ABCC3: variants seen among roughly 807,000 people sequenced by gnomAD.
The protein encoded by ABCC3 is ATP binding cassette subfamily C member 3.
A neutral mutation model predicts 165.3 loss-of-function variants in ABCC3; 121 were observed. That is an observed-to-expected ratio of 0.73 (90% CI 0.63 to 0.85). The LOEUF (loss-of-function observed/expected upper bound fraction) is 0.85. ABCC3 is among the 40% of genes least tolerant of loss of function. The pLI is 0.00. For synonymous variants in ABCC3, 733 were observed against 810.1 expected, an observed-to-expected ratio of 0.90 and a Z score of 1.62; for missense variants, 1,869 against 1,964.1, an observed-to-expected ratio of 0.95 and a Z score of 0.92.
chr17:50,656,188 C>T (rs555234894), intron 2 of ABCC3, among the ~76,000 whole-genome samples, 180 bp downstream of exon 2: 32 of 152,266 alleles, frequency 2.1e-4, no homozygotes, highest in Non-Finnish European at 3.5e-4. Context: ...TGGGTTCAAG[C>T]GATTCTCCTG....
chr17:50,676,537 G>T lies in ABCC3; in HGVS notation c.3327G>T (p.Pro1109=), dbSNP rs147166980. 30 of 1,613,770 alleles carry T rather than the reference G, an allele frequency of 1.9e-5. 1 individual carries two copies. In the Admixed American group the frequency reaches 2.7e-4, roughly 14 times the overall value. Residue 1109 remains proline (P), a synonymous_variant, in exon 23 of 31, where the codon CCG becomes CCT. Transcript: ENST00000285238. ...TTGTGGTCATCATGGCCAGCACGCC[G>T]CTCTTCACTGTGGTCATCCTGCCCC... ...STLVVIMAST[P]LFTVVILPLA...
chr17:50,662,196 T>C (rs879522916), intron 8 of ABCC3: 4 of 152,102 alleles, frequency 2.6e-5, no homozygotes, highest in Admixed American at 6.6e-5. Flanking sequence ...CAGGAGCAAT[T>C]TGGGAGATGG....
chr17:50,650,573 C>G (rs1272826453), intron 1 of ABCC3, among the ~76,000 whole-genome samples: 1 of 152,200 alleles, frequency 6.6e-6, no homozygotes, highest in Non-Finnish European at 1.5e-5. Flanking sequence ...TTCGAAAAAT[C>G]AGTCATTTCA....
rs575083105 is a variant in ABCC3 at position 50,676,498 on chromosome 17, C to T, written c.3288C>T (p.Asn1096=). Residue 1096 remains asparagine (N), a synonymous_variant, in exon 23 of 31, where the codon AAC becomes AAT. Coordinates refer to ENST00000285238, the MANE Select transcript of ABCC3 (RefSeq NM_003786.4). The stretch of plus-strand genomic sequence containing the variant: ...TCATGCTGCTCAATTCCTTCTTCAA[C>T]GCCATCTCCACTCTTGTGGTCATCA... The part of the protein sequence containing the change: ...VILMLLNSFF[N]AISTLVVIMA... The T allele has an allele frequency of 1.5e-5, 25 of 1,613,902 alleles. No homozygotes were observed. The highest frequency in any genetic ancestry group is 1.6e-4 in the Middle Eastern group (1 of 6,062).
chr17:50,680,746 A>G (rs1298917765), intron 26 of ABCC3, among the ~76,000 whole-genome samples: 2 of 151,936 alleles, frequency 1.3e-5, no homozygotes, highest in Non-Finnish European at 2.9e-5. Context: ...TGAGCCCACC[A>G]ATCTGCCTTC....
chr17:50,658,267 C>T (rs1020635516), intron 5 of ABCC3, 60 bp downstream of exon 5: 3 of 1,611,602 alleles, frequency 1.9e-6, no homozygotes, highest in Non-Finnish European at 2.5e-6. Context: ...CAACTCTGAC[C>T]AGCAGCCCCC....
At position 50,675,750 on chromosome 17, in the gene ABCC3, A is replaced by C. The variant is rs986524232; in HGVS notation, c.2834A>C (p.Gln945Pro). 6.4e-7 allele frequency: 1 copy of C among 1,564,376 alleles called. No individual in the cohort carries two copies. The change falls in exon 21 of 31, where the codon CAG becomes CCG. Residue 945 changes from glutamine (Q) to proline (P), a missense_variant. Coordinates refer to ENST00000285238, the MANE Select transcript of ABCC3 (RefSeq NM_003786.4). Reference protein sequence around the residue: ...TEAKADGALTQEEKAAIGTVE... With the variant: ...TEAKADGALTPEEKAAIGTVE... ...GCGAAGGCAGATGGGGCACTGACCC[A>C]GGAGGAGAAAGCAGCCATTGGCACT... is the stretch of plus-strand genomic sequence containing the variant.
rs745529143 is a variant in ABCC3 at position 50,634,952 on chromosome 17, G to A, written c.16G>A (p.Gly6Ser). 7.9e-7 allele frequency: 1 copy of A among 1,257,884 alleles called. No homozygotes were observed. The highest frequency in any genetic ancestry group is 1.0e-6 in the Non-Finnish European group (1 of 999,076). The allele number at this position is 1,257,884 out of a possible 1,614,324, so 77.9% of individuals were successfully genotyped here. ...CCTCGGCCCCATGGACGCCCTGTGC[G>A]GTTCCGGGGAGCTCGGCTCCAAGTT... MDALC[G>S]SGELGSKFWD... Residue 6 changes from glycine to serine, a missense_variant, in exon 1 of 31, where the codon GGT becomes AGT. Gly to Ser is a moderately conservative substitution (Grantham distance 56). Coordinates refer to ENST00000285238, the MANE Select transcript of ABCC3 (RefSeq NM_003786.4).
chr17:50,665,100 T>C (rs557090650), intron 10 of ABCC3, 53 bp from the exon 11 acceptor site: 1 of 1,523,558 alleles, frequency 6.6e-7, no homozygotes, highest in African/African-American at 1.4e-5. Flanking sequence ...GTTCTCTCTG[T>C]AGACTTTGGT....
chr17:50,672,187 G>A (rs1246607719), intron 17 of ABCC3, among the ~76,000 whole-genome samples: 1 of 152,110 alleles, frequency 6.6e-6, no homozygotes, highest in Non-Finnish European at 1.5e-5. Context: ...ACACTGGGGG[G>A]TAAGTTTCAA....
intron 5 of ABCC3, 70 bp from the exon 6 acceptor site, chr17:50,658,365 A>G: frequency 1.3e-6 from 2 of 1,585,712 alleles, no homozygotes; most frequent in Non-Finnish European, 1.7e-6. Flanking sequence ...GGTCCCCTCC[A>G]TTTCCCTACT....
intron 1 of ABCC3, among the ~76,000 whole-genome samples, chr17:50,638,735 G>A (rs889025828): frequency 1.3e-5 from 2 of 152,154 alleles, no homozygotes; most frequent in African/African-American, 4.8e-5. Flanking sequence ...TCCTAGGGAG[G>A]GGCAGATCCC....
chr17:50,643,758 G>T, intron 1 of ABCC3: 7 of 389,864 alleles, frequency 1.8e-5, no homozygotes, highest in South Asian at 1.3e-4. Flanking sequence ...CAAGGGGGTA[G>T]GAGCAAGAAT....
At chr17:50,641,780 T>C (rs112138231) in intron 1 of ABCC3, among the ~76,000 whole-genome samples, 3,617 of 152,224 alleles carry the variant, frequency 0.024, 158 homozygotes, top group African/African-American at 0.082. Context: ...GTGCAGTGGC[T>C]CATGCCTGTA....
At position 50,686,929 on chromosome 17, in the gene ABCC3, C is replaced by T. The variant is rs566592641; in HGVS notation, c.4281-607C>T. Among the ~76,000 whole-genome samples, 61 of 152,214 alleles carry T rather than the reference C, an allele frequency of 4.0e-4. No homozygotes were observed. The South Asian group carries it at 0.012, about 31-fold the overall frequency. On this transcript the variant is annotated intron_variant, in intron 29 of 30. Coordinates refer to ENST00000285238, the MANE Select transcript of ABCC3 (RefSeq NM_003786.4). ...TGGCCTCTGGTTGGGAACACAGCCT[C>T]GTTTTGTCTGCTGGCTCTGGCTTCC... is the stretch of plus-strand genomic sequence containing the variant.
intron 3 of ABCC3, 75 bp downstream of exon 3, chr17:50,656,902 G>A: frequency 6.4e-7 from 1 of 1,551,612 alleles, no homozygotes; most frequent in Non-Finnish European, 8.7e-7. Flanking sequence ...GAAACTGTGG[G>A]CTCTGAGGAG....
intron 1 of ABCC3, among the ~76,000 whole-genome samples, chr17:50,648,356 G>A (rs573205573): frequency 2.6e-5 from 4 of 152,250 alleles, no homozygotes; most frequent in East Asian, 1.9e-4. Context: ...TGAAAGCAGC[G>A]GCTGCTAGGA....
chr17:50,683,681 T>C lies in ABCC3; in HGVS notation c.3879T>C (p.Asn1293=). ...WPPRGEVEFR[N]YSVRYRPGLD... is the part of the protein sequence containing the mutation. ...CACGTGGGGAGGTGGAGTTCCGGAA[T>C]TATTCTGTGCGCTACCGGCCGGGCC... Residue 1293 remains asparagine, a synonymous_variant, in exon 27 of 31, where the codon AAT becomes AAC. Transcript: ENST00000285238. The C allele has an allele frequency of 6.2e-7, 1 of 1,605,880 alleles. No individual in the cohort carries two copies. The highest frequency in any genetic ancestry group is 1.3e-5 in the African/African-American group (1 of 74,422).
chr17:50,687,914 C>T (rs1968052809), intron 30 of ABCC3, among the ~76,000 whole-genome samples, 184 bp downstream of exon 30: 1 of 151,720 alleles, frequency 6.6e-6, no homozygotes, highest in Non-Finnish European at 1.5e-5. Flanking sequence ...GGCCTGGGCT[C>T]AGGGGTGGGG....
Sources: gnomAD v4.1 joint callset for allele counts (sites outside exome capture counted in the v4.1 genomes callset) on GRCh38, gnomAD v4.1.1 for gene constraint, MANE v1.5 for transcripts, NCBI Gene and HGNC (gene_info 2026-07-23, HGNC 2026-07-21) for gene names.